ANK3: variants seen among roughly 807,000 people sequenced by gnomAD.
ANK3 encodes ankyrin 3, also known as ankyrin-3.
Under a neutral mutation model 370.9 loss-of-function variants are expected in ANK3, and 57 were observed. The ratio of observed to expected loss-of-function variants is 0.15; its 90% CI spans 0.12 to 0.19. The LOEUF (loss-of-function observed/expected upper bound fraction) is 0.19, where lower values mean the gene tolerates loss of function less well. Ranked by LOEUF, ANK3 falls within the 10% of genes least tolerant of loss-of-function variation. The pLI is 1.00. For missense variants in ANK3, 4,439 were observed against 5,302.1 expected (o/e 0.84, Z 5.06); for synonymous variants, 1,929 against 1,946.3 (o/e 0.99, Z 0.23).
intron 2 of ANK3, among the ~76,000 whole-genome samples, chr10:60,492,721 A>AAAG (rs2075547097): frequency 1.4e-5 from 2 of 141,884 alleles, no homozygotes; most frequent in Admixed American, 7.0e-5. Context: ...AAAAAAAAAA[A>AAAG]AAAGAAAGAA....
intron 7 of ANK3, among the ~76,000 whole-genome samples, chr10:60,246,431 T>C (rs1421734100): frequency 2.0e-5 from 3 of 152,106 alleles, no homozygotes; most frequent in Non-Finnish European, 4.4e-5. Flanking sequence ...CACCAATTTT[T>C]CTCTGTATGC....
chr10:60,571,047 C>T (rs2077583864), intron 2 of ANK3, among the ~76,000 whole-genome samples: 1 of 138,102 alleles, frequency 7.2e-6, no homozygotes, highest in South Asian at 2.6e-4. Flanking sequence ...CATGAGCAAA[C>T]CTGACAGGTT....
chr10:60,569,336 C>A (rs1367228497), intron 2 of ANK3, among the ~76,000 whole-genome samples: 1 of 152,150 alleles, frequency 6.6e-6, no homozygotes, highest in African/African-American at 2.4e-5. Context: ...TTCCTAGTAT[C>A]CCCAGTAGCT....
chr10:60,253,004 G>A (rs2097689876), intron 7 of ANK3, among the ~76,000 whole-genome samples: 1 of 152,182 alleles, frequency 6.6e-6, no homozygotes, highest in East Asian at 1.9e-4. Context: ...CACATTGATA[G>A]CATTAGGTTC....
chr10:60,391,410 T>C (rs559328468), upstream of ANK3, among the ~76,000 whole-genome samples: 1 of 152,366 alleles, frequency 6.6e-6, no homozygotes, highest in Non-Finnish European at 1.5e-5. Flanking sequence ...GAAAGGTATT[T>C]GGGTCTTTGT....
chr10:60,729,299 C>T (rs1397837213), intron 1 of ANK3, among the ~76,000 whole-genome samples: 1 of 152,128 alleles, frequency 6.6e-6, no homozygotes, highest in African/African-American at 2.4e-5. Flanking sequence ...GAAAGAGAAG[C>T]CCTACACTTG....
intron 16 of ANK3, among the ~76,000 whole-genome samples, chr10:60,189,069 TA>T (rs528128775): frequency 2.7e-4 from 41 of 152,386 alleles, no homozygotes; most frequent in Non-Finnish European, 5.9e-4. Flanking sequence ...TTGCTTTTGC[TA>T]TTGATATAAT....
chr10:60,176,579 T>C (rs2095964961), intron 18 of ANK3, among the ~76,000 whole-genome samples: 1 of 151,780 alleles, frequency 6.6e-6, no homozygotes, highest in Non-Finnish European at 1.5e-5. Context: ...CTGCCCAGTA[T>C]GGCAAAACCC....
intron 7 of ANK3, among the ~76,000 whole-genome samples, chr10:60,256,885 T>G (rs981926814): frequency 6.6e-6 from 1 of 152,216 alleles, no homozygotes; most frequent in Non-Finnish European, 1.5e-5. Context: ...GATGGGCACC[T>G]AGGTTGATTC....
chr10:60,432,529 A>G (rs565608984), intron 2 of ANK3, among the ~76,000 whole-genome samples: 1 of 152,320 alleles, frequency 6.6e-6, no homozygotes, highest in South Asian at 2.1e-4. Context: ...TGGCACTTTT[A>G]ATGCAAAGAT....
intron 1 of ANK3, among the ~76,000 whole-genome samples, chr10:60,317,101 T>C (rs2047611610): frequency 6.6e-6 from 1 of 152,028 alleles, no homozygotes; most frequent in South Asian, 2.1e-4. Context: ...GCAAATTCCA[T>C]CCATATACAT....
intron 1 of ANK3, among the ~76,000 whole-genome samples, chr10:60,382,797 CTA>C (rs5785442): frequency 0.32 from 42,482 of 133,242 alleles, 6,837 homozygotes; most frequent in East Asian, 0.41. Flanking sequence ...ATACCTAAAT[CTA>C]TATATATATA....
rs187895217 is a variant in ANK3 at position 60,563,733 on chromosome 10, A to G, written c.96+51453T>C. Among the ~76,000 whole-genome samples the G allele has an allele frequency of 3.6e-3, 551 of 152,258 alleles. 5 individuals are homozygous for G. Among genetic ancestry groups the G allele is most frequent in the African/African-American group, 0.012 (512 of 41,548 alleles). ...AAATTATGGAGAAGAGATTTTCAGT[A>G]CCTCAGTCTGAAGCCATGCTCAGAG... On this transcript the variant is annotated intron_variant, in intron 2 of 43. Coordinates refer to the ANK3 transcript ENST00000373827.
At chr10:60,106,852 A>G (rs951846185) in intron 27 of ANK3, among the ~76,000 whole-genome samples, 1 of 152,190 alleles carries the variant, frequency 6.6e-6, no homozygotes, top group Non-Finnish European at 1.5e-5. Context: ...GATGAATGGA[A>G]GTAAGCAGAC....
intron 1 of ANK3, chr10:60,684,704 A>G (rs1482131960): frequency 6.3e-7 from 1 of 1,587,902 alleles, no homozygotes; most frequent in East Asian, 2.3e-5. Flanking sequence ...AGAAATTCTA[A>G]AACAGTCACT....
At chr10:60,530,462 A>AC (rs1346353260) in intron 2 of ANK3, among the ~76,000 whole-genome samples, 2 of 151,746 alleles carry the variant, frequency 1.3e-5, no homozygotes, top group African/African-American at 4.8e-5. Flanking sequence ...CCAAAAAAAA[A>AC]AAAACCCTAT....
intron 8 of ANK3, among the ~76,000 whole-genome samples, chr10:60,226,526 TAGTATATATACATAGTATATATACTATA>T (rs1384953153): frequency 1.1e-5 from 1 of 88,180 alleles, no homozygotes; most frequent in African/African-American, 6.7e-5. Context: ...ATATATACTA[TAGTATATATACATAGTATATATACTATA>T]GTATATATAC....
intron 2 of ANK3, among the ~76,000 whole-genome samples, chr10:60,457,314 T>C (rs2064772193): frequency 6.6e-6 from 1 of 152,062 alleles, no homozygotes; most frequent in African/African-American, 2.4e-5. Context: ...TCTTACTAAG[T>C]AAGTAAAAGT....
chr10:60,101,534 T>C (rs1351326337), intron 28 of ANK3, among the ~76,000 whole-genome samples: 14 of 152,214 alleles, frequency 9.2e-5, no homozygotes, highest in Non-Finnish European at 1.5e-5. Context: ...ATCTTTTTCT[T>C]GGCTGAGAAA....
Sources: gnomAD v4.1 joint callset for allele counts (sites outside exome capture counted in the v4.1 genomes callset) on GRCh38, gnomAD v4.1.1 for gene constraint, MANE v1.5 for transcripts, NCBI Gene and HGNC (gene_info 2026-07-23, HGNC 2026-07-21) for gene names.